GANAB: variants seen among roughly 807,000 people sequenced by gnomAD.
GANAB encodes neutral alpha-glucosidase AB.
GANAB carries 35 observed loss-of-function variants against 129.9 expected under a neutral mutation model. That is an observed-to-expected ratio of 0.27 (90% CI 0.21 to 0.36). The LOEUF (loss-of-function observed/expected upper bound fraction) is 0.36. Ranked by LOEUF, GANAB falls within the 10% of genes least tolerant of loss-of-function variation. The probability of loss-of-function intolerance (pLI) is 1.00; values close to 1 mark genes in which losing one functional copy is unlikely to be tolerated. For synonymous variants in GANAB, 482 were observed against 451.8 expected, an observed-to-expected ratio of 1.07 and a Z score of -0.85; for missense variants, 939 against 1,221.0, an observed-to-expected ratio of 0.77 and a Z score of 3.44.
Position 62,628,762 on chromosome 11 carries a change from G to A in GANAB, c.2180+7C>T, listed in dbSNP as rs1357271773. On this transcript the variant is annotated splice_region_variant and intron_variant, in intron 17 of 23. Transcript: ENST00000356638. ...CCCACTCTTCACAGCCCAAGTGAAT[G>A]CCTCACCTCATGACAGGAATGCCTT... The A allele has an allele frequency of 6.2e-7, 1 of 1,612,228 alleles. No individual in the cohort carries two copies. The highest frequency in any genetic ancestry group is 8.5e-7 in the Non-Finnish European group (1 of 1,178,444).
intron 11 of GANAB, 47 bp downstream of exon 11, chr11:62,630,554 G>A: frequency 1.2e-6 from 2 of 1,613,192 alleles, no homozygotes; most frequent in Non-Finnish European, 1.7e-6. Flanking sequence ...GCTAAACTAT[G>A]CTTCAGCCCT....
chr11:62,626,583 T>A lies in GANAB; in HGVS notation c.2499A>T (p.Ala833=). ...CCTATGCACTTACCTGAGGGCTAAGTGCAACAAAGAGAGTGATGGGGTCAT... is the reference window on the plus strand; with the variant it reads ...CCTATGCACTTACCTGAGGGCTAAGAGCAACAAAGAGAGTGATGGGGTCAT... The part of the protein sequence containing the change: ...MKDDPITLFV[A]LSPQGTAQGE... The change falls in exon 21 of 24, where the codon GCA becomes GCT. Residue 833 remains alanine, a synonymous_variant. Transcript: ENST00000356638. The A allele has an allele frequency of 6.2e-7, 1 of 1,606,692 alleles. No individual in the cohort carries two copies. The highest frequency in any genetic ancestry group is 8.5e-7 in the Non-Finnish European group (1 of 1,173,428).
rs1260791349 is a variant in GANAB at position 62,639,495 on chromosome 11, G to A, written c.144-28C>T. ...GCCAAGTGAAGGGTTGGGAAGTAAG[G>A]TAAAGGCCACCTGCAATGTCCCTAA... On this transcript the variant is annotated intron_variant, in intron 2 of 23. Coordinates refer to ENST00000356638, the MANE Select transcript of GANAB (RefSeq NM_198334.3). The A allele has an allele frequency of 3.2e-6, 5 of 1,565,148 alleles. No individual in the cohort carries two copies. In the South Asian group the frequency reaches 3.3e-5, roughly 10 times the overall value.
chr11:62,639,963 T>C (rs113721147), intron 1 of GANAB: 72 of 499,334 alleles, frequency 1.4e-4, no homozygotes, highest in Middle Eastern at 5.5e-4. Context: ...AGGCTGGGCG[T>C]GGTGGCTCAC....
At position 62,638,255 on chromosome 11, in the gene GANAB, G is replaced by C. The variant is rs1375571239; in HGVS notation, c.380+728C>G. ...TGCAACCTCTGCCTCCTGGGTTCAA[G>C]TAACCGTCCTGCCTCGGCCTCCTGA... On this transcript the variant is annotated intron_variant, in intron 4 of 23. Coordinates refer to ENST00000356638, the MANE Select transcript of GANAB (RefSeq NM_198334.3). Among the ~76,000 whole-genome samples the C allele has an allele frequency of 4.6e-5, 7 of 152,144 alleles. No individual in the cohort carries two copies. The South Asian group carries it at 1.4e-3, about 31-fold the overall frequency.
intron 17 of GANAB, among the ~76,000 whole-genome samples, chr11:62,628,152 C>T (rs982792049): frequency 1.3e-5 from 2 of 150,226 alleles, no homozygotes; most frequent in Admixed American, 6.7e-5. Context: ...TCCTACATAA[C>T]ATGGTCTGTC....
intron 9 of GANAB, 96 bp from the exon 10 acceptor site, chr11:62,631,279 G>T: frequency 3.3e-6 from 4 of 1,202,000 alleles, no homozygotes; most frequent in Non-Finnish European, 4.7e-6. Context: ...AGTCCACACA[G>T]AGCTGGCTCA....
intron 1 of GANAB, among the ~76,000 whole-genome samples, chr11:62,643,445 C>A (rs1000686133): frequency 5.3e-5 from 8 of 152,156 alleles, no homozygotes; most frequent in South Asian, 2.1e-4. Context: ...TGAGGCCAGC[C>A]TGGCCAACAT....
chr11:62,645,579 T>C (rs1329106722), intron 1 of GANAB, among the ~76,000 whole-genome samples: 1 of 151,050 alleles, frequency 6.6e-6, no homozygotes, highest in Non-Finnish European at 1.5e-5. Context: ...AAATACCCTC[T>C]GGGGCCCTAT....
rs757753862 is a variant in GANAB, at chr11:62,632,638, T to G, written c.923A>C (p.His308Pro). The stretch of plus-strand genomic sequence containing the variant: ...GAGCCAGAAGATGCCCAAGTCGCGA[T>G]GAGGGTTGTGTGCCAGGAGCACAGG... ...SVPVLLAHNP[H>P]RDLGIFWLNA... Residue 308 changes from histidine (H) to proline (P), a missense_variant, in exon 9 of 24, where the codon CAT (histidine) becomes CCT (proline). Coordinates refer to ENST00000356638, the MANE Select transcript of GANAB (RefSeq NM_198334.3). 2 of 1,614,072 alleles carry G rather than the reference T, an allele frequency of 1.2e-6. No homozygotes were observed. Among genetic ancestry groups the G allele is most frequent in the Admixed American group, 1.7e-5 (1 of 60,024 alleles).
chr11:62,629,436 C>T, intron 15 of GANAB, 141 bp from the exon 16 acceptor site: 2 of 788,244 alleles, frequency 2.5e-6, no homozygotes, highest in Admixed American at 4.4e-5. Flanking sequence ...AGGAGTGGAC[C>T]TCCCACACCC....
rs36113826 is a variant in GANAB at position 62,640,832 on chromosome 11, C to CAAA, written c.39-1104_39-1102dup. On this transcript the variant is annotated intron_variant, in intron 1 of 23. Coordinates refer to ENST00000356638, the MANE Select transcript of GANAB (RefSeq NM_198334.3). ...TGGGCGACAAAGTAAAACTCCCTCT[C>CAAA]AAAAAAAAAAAAAAAAAAAAAGGCA... Among the ~76,000 whole-genome samples the CAAA allele has an allele frequency of 5.2e-3, 390 of 74,464 alleles. 8 individuals are homozygous for CAAA. Among genetic ancestry groups the CAAA allele is most frequent in the East Asian group, 7.5e-3 (18 of 2,396 alleles). 48.9% of individuals were successfully genotyped at this position (74,464 alleles called of 152,430 possible). A position where few individuals can be genotyped will look rare whatever the true frequency, so the allele number is the denominator to read the frequency against.
chr11:62,640,625 AG>A (rs1442027190), intron 1 of GANAB, among the ~76,000 whole-genome samples: 2 of 150,472 alleles, frequency 1.3e-5, no homozygotes, highest in Non-Finnish European at 3.0e-5. Flanking sequence ...CGAGGTCAGG[AG>A]TTTGAGACCA....
rs376771536 is a variant in GANAB, at chr11:62,630,464, G to T, written c.1428C>A (p.Gly476=). The change falls in exon 12 of 24, where the codon GGC becomes GGA. Residue 476 remains glycine, a synonymous_variant. Transcript: ENST00000356638. ...TCCGCAGCTCCTCGTGAACTCGGTA[G>T]CCGGAGTCCACCTTGATGTGGGGGT... ...IVDPHIKVDS[G]YRVHEELRNL... The T allele has an allele frequency of 5.0e-6, 8 of 1,614,024 alleles. No individual in the cohort carries two copies. In the African/African-American group the frequency reaches 1.1e-4, roughly 22 times the overall value.
At chr11:62,635,200 T>A (rs1000012695) in intron 4 of GANAB, among the ~76,000 whole-genome samples, 200 bp from the exon 5 acceptor site, 1 of 152,066 alleles carries the variant, frequency 6.6e-6, no homozygotes, top group Admixed American at 6.6e-5. Context: ...TTTTTTTTTT[T>A]TGAGACGGAG....
intron 2 of GANAB, 55 bp downstream of exon 2, chr11:62,639,572 T>TCCCACATTACC: frequency 2.1e-6 from 3 of 1,459,562 alleles, no homozygotes; most frequent in Non-Finnish European, 2.9e-6. Flanking sequence ...CACAGATATC[T>TCCCACATTACC]CCCACATTAC....
Position 62,635,028 on chromosome 11 carries a change from G to A in GANAB, c.381-28C>T, listed in dbSNP as rs1365496393. 6 of 1,577,462 alleles carry A rather than the reference G, an allele frequency of 3.8e-6. No homozygotes were observed. In the South Asian group the frequency reaches 5.6e-5, roughly 15 times the overall value. ...GGGAAACATATCAAAAGAAATATAA[G>A]GAAGTACAAAGGGCCAAGAGGAGTA... On this transcript the variant is annotated intron_variant, in intron 4 of 23. Coordinates refer to ENST00000356638, the MANE Select transcript of GANAB (RefSeq NM_198334.3).
chr11:62,632,099 G>A (rs532198688), intron 9 of GANAB, among the ~76,000 whole-genome samples: 7 of 151,284 alleles, frequency 4.6e-5, no homozygotes, highest in Non-Finnish European at 8.8e-5. Context: ...TTAGCCTCCC[G>A]AATAGCTGGG....
At chr11:62,639,960 G>A (rs1178065957) in intron 1 of GANAB, 3 of 508,294 alleles carry the variant, frequency 5.9e-6, no homozygotes, top group South Asian at 4.5e-5. Flanking sequence ...AGTAGGCTGG[G>A]CGTGGTGGCT....
Sources: allele counts gnomAD v4.1 joint callset (sites outside exome capture counted in the v4.1 genomes callset), GRCh38; gene constraint gnomAD v4.1.1; transcripts MANE v1.5; gene names NCBI Gene and HGNC (gene_info 2026-07-23, HGNC 2026-07-21).